The following SSH2 variants were observed in gnomAD, a reference collection of about 807,000 sequenced individuals.
The protein encoded by SSH2 is protein phosphatase Slingshot homolog 2.
Under a neutral mutation model 135.2 loss-of-function variants are expected in SSH2, and 37 were observed. The ratio of observed to expected loss-of-function variants is 0.27; its 90% CI spans 0.21 to 0.36. SSH2 has a LOEUF of 0.36. Among genes scored for constraint, SSH2 ranks in the 10% least tolerant of loss-of-function variants. SSH2 has a pLI of 1.00. For missense variants in SSH2, 1,408 were observed against 1,765.3 expected (o/e 0.80, Z 3.63); for synonymous variants, 628 against 646.2 (o/e 0.97, Z 0.43).
intron 3 of SSH2, among the ~76,000 whole-genome samples, chr17:29,767,627 A>ACT (rs1567961661): frequency 1.8e-5 from 2 of 112,808 alleles, no homozygotes; most frequent in African/African-American, 6.5e-5. Context: ...ATGCACACAC[A>ACT]CGCACACACA....
chr17:29,633,839 A>G (rs1368540946), intron 15 of SSH2, among the ~76,000 whole-genome samples: 1 of 152,234 alleles, frequency 6.6e-6, no homozygotes, highest in Non-Finnish European at 1.5e-5. Flanking sequence ...AATCTAGTTA[A>G]CATTTTTATA....
At chr17:29,667,635 CTG>C (rs563408563) in intron 9 of SSH2, among the ~76,000 whole-genome samples, 1 of 152,344 alleles carries the variant, frequency 6.6e-6, no homozygotes, top group South Asian at 2.1e-4. Flanking sequence ...ACTGCTCCGT[CTG>C]TGGAAACTGG....
chr17:29,684,482 T>C, intron 6 of SSH2, 81 bp downstream of exon 6: 1 of 733,930 alleles, frequency 1.4e-6, no homozygotes, highest in Non-Finnish European at 1.9e-6. Context: ...TCCGTCCCCA[T>C]TAAAAAAAAA....
Position 29,800,518 on chromosome 17 carries a change from A to G in SSH2, c.145-6581T>C, listed in dbSNP as rs577915182. Reference sequence around the variant, plus strand: ...CATTGTTACTGAAAAATGCCAGTCAATCTCTTCAAAACATTGGAAATTACC... The same window carrying G: ...CATTGTTACTGAAAAATGCCAGTCAGTCTCTTCAAAACATTGGAAATTACC... On this transcript the variant is annotated intron_variant, in intron 2 of 15. Coordinates refer to ENST00000540801, the MANE Select transcript of SSH2 (RefSeq NM_001282129.2). Among the ~76,000 whole-genome samples the G allele has an allele frequency of 3.3e-5, 5 of 152,310 alleles. No individual in the cohort carries two copies. The South Asian group carries it at 8.3e-4, about 25-fold the overall frequency.
chr17:29,910,326 T>TG (rs2066743501), intron 1 of SSH2, among the ~76,000 whole-genome samples: 1 of 151,154 alleles, frequency 6.6e-6, no homozygotes, highest in Non-Finnish European at 1.5e-5. Flanking sequence ...TTGTAACCTA[T>TG]AAAAAAAAAT....
intron 3 of SSH2, among the ~76,000 whole-genome samples, chr17:29,710,486 T>C (rs745810091): frequency 3.3e-5 from 5 of 152,244 alleles, no homozygotes; most frequent in African/African-American, 4.8e-5. Flanking sequence ...AGAATACTCA[T>C]CTAGCAAAAA....
intron 3 of SSH2, among the ~76,000 whole-genome samples, chr17:29,733,012 C>G (rs1428781297): frequency 6.6e-6 from 1 of 152,118 alleles, no homozygotes; most frequent in African/African-American, 2.4e-5. Flanking sequence ...GCAGTTTAGT[C>G]TCCTGGGAAA....
intron 3 of SSH2, among the ~76,000 whole-genome samples, chr17:29,721,372 T>C (rs899148987): frequency 3.3e-5 from 5 of 152,188 alleles, no homozygotes; most frequent in African/African-American, 1.2e-4. Context: ...TAGGTTTTGG[T>C]CGAGCTAGGT....
intron 2 of SSH2, among the ~76,000 whole-genome samples, chr17:29,847,219 T>A (rs1308198827): frequency 6.6e-6 from 1 of 152,126 alleles, no homozygotes; most frequent in African/African-American, 2.4e-5. Flanking sequence ...TTGAATAAAG[T>A]CTTTCCTCAC....
chr17:29,669,173 C>T (rs781113944), intron 9 of SSH2, among the ~76,000 whole-genome samples: 4 of 151,728 alleles, frequency 2.6e-5, no homozygotes, highest in East Asian at 3.9e-4. Context: ...TGCTGGAGCC[C>T]GGGAGGTGGA....
intron 3 of SSH2, among the ~76,000 whole-genome samples, chr17:29,782,106 A>G (rs1482514655): frequency 6.6e-6 from 1 of 152,130 alleles, no homozygotes; most frequent in Non-Finnish European, 1.5e-5. Flanking sequence ...TCAGCCTCCC[A>G]AAGTGCTGGG....
At position 29,667,257 on chromosome 17, in the gene SSH2, G is replaced by A. The variant is rs372346823; in HGVS notation, c.810-34C>T. 2.2e-4 allele frequency: 288 copies of A among 1,310,712 alleles called. 2 individuals are homozygous for A. In the African/African-American group the frequency reaches 3.6e-3, roughly 17 times the overall value. 81.2% of individuals were successfully genotyped at this position (1,310,712 alleles called of 1,614,324 possible). On this transcript the variant is annotated intron_variant, in intron 9 of 15. Transcript: ENST00000540801. ...AGAGAAATAACGATTATTCTTAAAC[G>A]ATATTCTTAATAACGATTATTCTTA...
rs923950251 is a variant in SSH2, at chr17:29,635,410, C to CT, written c.2262+557dup. On this transcript the variant is annotated intron_variant, in intron 15 of 15. Transcript: ENST00000540801. Reference sequence around the variant, plus strand: ...ATATTAACTGCGTATCTTTGGACTTCTTTTTTTTTTTGAGACAAGAGTCTT... The same window carrying CT: ...ATATTAACTGCGTATCTTTGGACTTCTTTTTTTTTTTTGAGACAAGAGTCTT... Among the ~76,000 whole-genome samples the CT allele has an allele frequency of 1.5e-3, 216 of 147,420 alleles. 1 individual carries two copies. Among genetic ancestry groups the CT allele is most frequent in the Admixed American group, 4.1e-3 (61 of 14,806 alleles).
At chr17:29,654,436 T>TG (rs1475882244) in intron 12 of SSH2, among the ~76,000 whole-genome samples, 1 of 152,118 alleles carries the variant, frequency 6.6e-6, no homozygotes, top group African/African-American at 2.4e-5. Context: ...ACTTTTCATG[T>TG]GGGGAAAAAG....
At chr17:29,685,541 T>C (rs2151080131) in intron 5 of SSH2, among the ~76,000 whole-genome samples, 1 of 152,212 alleles carries the variant, frequency 6.6e-6, no homozygotes, top group African/African-American at 2.4e-5. Context: ...ATCCCAGCAC[T>C]TTGGGAGGCC....
intron 15 of SSH2, among the ~76,000 whole-genome samples, chr17:29,634,472 G>A (rs2035810705): frequency 6.6e-6 from 1 of 152,180 alleles, no homozygotes; most frequent in Non-Finnish European, 1.5e-5. Context: ...GGTTTGAGAT[G>A]GCTTGTAAGA....
At chr17:29,687,406 C>T (rs1282207788) in intron 5 of SSH2, among the ~76,000 whole-genome samples, 1 of 152,156 alleles carries the variant, frequency 6.6e-6, no homozygotes, top group Non-Finnish European at 1.5e-5. Flanking sequence ...AGATAGAGAG[C>T]TGTACTTTTG....
intron 1 of SSH2, among the ~76,000 whole-genome samples, chr17:29,871,166 G>A (rs1220719272): frequency 6.6e-6 from 1 of 152,114 alleles, no homozygotes; most frequent in Non-Finnish European, 1.5e-5. Flanking sequence ...AACTTTCTCA[G>A]AGGGGAGGCT....
chr17:29,634,646 G>A (rs567672791), intron 15 of SSH2, among the ~76,000 whole-genome samples: 152 of 152,212 alleles, frequency 1.0e-3, no homozygotes, highest in Non-Finnish European at 1.8e-3. Flanking sequence ...TCCACCTCCC[G>A]GGTTCAAGCG....
Sources: gnomAD v4.1 joint callset for allele counts (sites outside exome capture counted in the v4.1 genomes callset) on GRCh38, gnomAD v4.1.1 for gene constraint, MANE v1.5 for transcripts, NCBI Gene and HGNC (gene_info 2026-07-23, HGNC 2026-07-21) for gene names.